The following NSMAF variants were observed in gnomAD, a reference collection of about 807,000 sequenced individuals.
The protein encoded by NSMAF is protein FAN.
Under a neutral mutation model 134.9 loss-of-function variants are expected in NSMAF, and 90 were observed. The observed-to-expected ratio is 0.67, with a 90% CI of 0.56 to 0.79. The LOEUF is 0.79. NSMAF is among the 30% of genes least tolerant of loss of function. The pLI is 0.00. For missense variants in NSMAF, 1,010 were observed against 1,119.0 expected (o/e 0.90, Z 1.39); for synonymous variants, 358 against 389.6 (o/e 0.92, Z 0.96).
chr8:58,609,570 G>A (rs747995648), intron 10 of NSMAF, 34 bp downstream of exon 10: 17 of 1,612,406 alleles, frequency 1.1e-5, no homozygotes, highest in South Asian at 1.1e-5. Context: ...CTTAAACATG[G>A]GCAGCTCCCC....
rs1006968743 is a variant in NSMAF, at chr8:58,644,472, C to T, written c.60-1399G>A. Among the ~76,000 whole-genome samples, 48 of 152,138 alleles carry T rather than the reference C, an allele frequency of 3.2e-4. 1 individual carries two copies. Among genetic ancestry groups the T allele is most frequent in the Non-Finnish European group, 4.4e-5 (3 of 68,026 alleles). The stretch of plus-strand genomic sequence containing the variant: ...AGTTCAGAAATTGCAGGATCAAGTG[C>T]TAGAGACGATGTGGAGAAATAGGAA... On this transcript the variant is annotated intron_variant, in intron 1 of 30. Coordinates refer to ENST00000038176, the MANE Select transcript of NSMAF (RefSeq NM_003580.4).
intron 2 of NSMAF, among the ~76,000 whole-genome samples, chr8:58,637,552 G>C (rs1188135306): frequency 6.6e-6 from 1 of 152,126 alleles, no homozygotes; most frequent in Admixed American, 6.5e-5. Flanking sequence ...AAGTTAAACT[G>C]TCTCTGTTAG....
At chr8:58,588,086 A>T (rs1378777701) in intron 26 of NSMAF, among the ~76,000 whole-genome samples, 15 of 152,238 alleles carry the variant, frequency 9.9e-5, no homozygotes, top group Admixed American at 9.8e-4. Context: ...AACTTATCTA[A>T]AAGAATGGAA....
chr8:58,626,136 C>A lies in NSMAF; in HGVS notation c.385-2356G>T, dbSNP rs146767847. 8.6e-3 allele frequency among the ~76,000 whole-genome samples: 1,238 copies of A among 143,508 alleles called. 7 individuals are homozygous for A. Among genetic ancestry groups the A allele is most frequent in the Non-Finnish European group, 0.013 (896 of 66,466 alleles). The allele number at this position is 143,508 out of a possible 152,430, so 94.1% of individuals were successfully genotyped here. A position where few individuals can be genotyped will look rare whatever the true frequency, so the allele number is the denominator to read the frequency against. Reference sequence around the variant, plus strand: ...TTGAGATGGAGTCTCACTGTGTCACCCAGGCTGGATGGAGTGCAGTGGCGC... The same window carrying A: ...TTGAGATGGAGTCTCACTGTGTCACACAGGCTGGATGGAGTGCAGTGGCGC... On this transcript the variant is annotated intron_variant, in intron 6 of 30. Coordinates refer to ENST00000038176, the MANE Select transcript of NSMAF (RefSeq NM_003580.4).
intron 22 of NSMAF, 51 bp downstream of exon 22, chr8:58,595,509 T>G (rs975922457): frequency 7.5e-7 from 1 of 1,327,360 alleles, no homozygotes. Flanking sequence ...GCCAAGACCC[T>G]AACTTTTACC....
chr8:58,615,343 G>A (rs942159641), intron 9 of NSMAF, among the ~76,000 whole-genome samples: 13 of 152,154 alleles, frequency 8.5e-5, no homozygotes, highest in East Asian at 3.9e-4. Flanking sequence ...GGACCCATAC[G>A]GCACTTATGG....
intron 22 of NSMAF, among the ~76,000 whole-genome samples, chr8:58,595,117 T>C (rs1163220047): frequency 6.6e-6 from 1 of 151,436 alleles, no homozygotes; most frequent in Non-Finnish European, 1.5e-5. Flanking sequence ...CATAATTATT[T>C]TTAAAATTCA....
intron 6 of NSMAF, among the ~76,000 whole-genome samples, chr8:58,625,394 A>ATATATATGTATG (rs145506455): frequency 2.1e-3 from 323 of 151,650 alleles, no homozygotes; most frequent in African/African-American, 6.7e-3. Flanking sequence ...ATGTATATGC[A>ATATATATGTATG]TATGTATGTA....
At chr8:58,642,426 A>G (rs1368797092) in intron 2 of NSMAF, among the ~76,000 whole-genome samples, 1 of 152,216 alleles carries the variant, frequency 6.6e-6, no homozygotes, top group Non-Finnish European at 1.5e-5. Context: ...TTTTTATAGT[A>G]GTGAGTAATA....
chr8:58,607,415 C>A (rs116055735), intron 11 of NSMAF, among the ~76,000 whole-genome samples: 2,164 of 152,236 alleles, frequency 0.014, 59 homozygotes, highest in African/African-American at 0.05. Context: ...GCTTTGAGAC[C>A]TAGCTGCTAT....
chr8:58,639,663 T>C (rs537178075), intron 2 of NSMAF, among the ~76,000 whole-genome samples: 1 of 152,334 alleles, frequency 6.6e-6, no homozygotes, highest in South Asian at 2.1e-4. Flanking sequence ...CCCATGTTCA[T>C]TACAGTATTA....
In NSMAF at chr8:58,624,035, A is replaced by ATTTT. The variant is rs11431046; in HGVS notation, c.385-259_385-256dup. Reference sequence around the variant, plus strand: ...CAAACCCTTAAGGTATAGAGTTAGGATTTTTTTTTTTTTTTTTTTTTTTTG... The same window carrying ATTTT: ...CAAACCCTTAAGGTATAGAGTTAGGATTTTTTTTTTTTTTTTTTTTTTTTTTTTG... On this transcript the variant is annotated intron_variant, in intron 6 of 30. Coordinates refer to ENST00000038176, the MANE Select transcript of NSMAF (RefSeq NM_003580.4). Among the ~76,000 whole-genome samples the ATTTT allele has an allele frequency of 2.1e-3, 213 of 99,078 alleles. 8 individuals carry two copies. Among genetic ancestry groups the ATTTT allele is most frequent in the African/African-American group, 6.2e-3 (152 of 24,714 alleles). 65.0% of individuals were successfully genotyped at this position (99,078 alleles called of 152,430 possible).
chr8:58,599,680 AAAT>A, intron 18 of NSMAF, 67 bp downstream of exon 18: 1 of 1,521,668 alleles, frequency 6.6e-7, no homozygotes, highest in African/African-American at 1.4e-5. Context: ...CTAAGCAATA[AAAT>A]AATTACTGAA....
chr8:58,655,411 T>C (rs985847369), intron 1 of NSMAF, among the ~76,000 whole-genome samples: 1 of 152,058 alleles, frequency 6.6e-6, no homozygotes, highest in Non-Finnish European at 1.5e-5. Flanking sequence ...TTTTTTTTTT[T>C]TTCTTTGCGA....
chr8:58,605,877 C>T (rs781620060), intron 12 of NSMAF, 50 bp downstream of exon 12: 2 of 1,442,256 alleles, frequency 1.4e-6, no homozygotes, highest in Non-Finnish European at 1.8e-6. Context: ...GAGACTCAGC[C>T]TCCAAAAAAA....
chr8:58,642,182 G>T (rs1347632426), intron 2 of NSMAF, among the ~76,000 whole-genome samples: 1 of 152,144 alleles, frequency 6.6e-6, no homozygotes, highest in African/African-American at 2.4e-5. Context: ...GATCCGTTAA[G>T]GATAAACCTG....
Position 58,659,768 on chromosome 8 carries a change from G to A in NSMAF, c.-137C>T, listed in dbSNP as rs1228365186. ...CGGCTGCCGGCCTGGCTTCCCCTGC[G>A]GCGCCGCTGGGCGGCCGAGAGCCCG... On this transcript the variant is annotated 5_prime_UTR_variant, in exon 1 of 31. Coordinates refer to ENST00000038176, the MANE Select transcript of NSMAF (RefSeq NM_003580.4). 5.5e-6 allele frequency: 3 copies of A among 541,236 alleles called. No individual in the cohort carries two copies. Among genetic ancestry groups the A allele is most frequent in the South Asian group, 9.3e-5 (1 of 10,784 alleles). 33.5% of individuals were successfully genotyped at this position (541,236 alleles called of 1,614,324 possible). A position where few individuals can be genotyped will look rare whatever the true frequency, so the allele number is the denominator to read the frequency against.
At chr8:58,639,051 G>A (rs972545503) in intron 2 of NSMAF, among the ~76,000 whole-genome samples, 2 of 152,072 alleles carry the variant, frequency 1.3e-5, no homozygotes, top group South Asian at 2.1e-4. Context: ...TTCGGAGGCC[G>A]AGGCGGGTGG....
chr8:58,602,856 T>C (rs1173143434), intron 13 of NSMAF, among the ~76,000 whole-genome samples: 1 of 152,194 alleles, frequency 6.6e-6, no homozygotes, highest in Non-Finnish European at 1.5e-5. Context: ...CAGTTTTTAA[T>C]GTGATTTTTA....
Sources: allele counts gnomAD v4.1 joint callset (sites outside exome capture counted in the v4.1 genomes callset), GRCh38; gene constraint gnomAD v4.1.1; transcripts MANE v1.5; gene names NCBI Gene and HGNC (gene_info 2026-07-23, HGNC 2026-07-21).